NELL1: variants seen among roughly 807,000 people sequenced by gnomAD.
NELL1 encodes protein kinase C-binding protein NELL1.
Under a neutral mutation model 107.4 loss-of-function variants are expected in NELL1, and 76 were observed. That is an observed-to-expected ratio of 0.71 (90% CI 0.59 to 0.86). NELL1 has a LOEUF of 0.86. NELL1 is among the 40% of genes least tolerant of loss of function. The pLI, the probability that NELL1 is intolerant of heterozygous loss-of-function variation, is 0.00. For missense variants in NELL1, 1,024 were observed against 1,005.5 expected, an observed-to-expected ratio of 1.02 and a Z score of -0.25; for synonymous variants, 353 against 341.2, an observed-to-expected ratio of 1.03 and a Z score of -0.38.
chr11:20,974,684 A>G (rs1026777443), intron 12 of NELL1, among the ~76,000 whole-genome samples: 1 of 152,174 alleles, frequency 6.6e-6, no homozygotes, highest in East Asian at 1.9e-4. Context: ...AGGATTGTCA[A>G]AAATCTTTAG....
Position 21,575,334 on chromosome 11 carries a change from G to C in NELL1, c.*312G>C. 1 of 253,052 alleles carries C rather than the reference G, an allele frequency of 4.0e-6. No individual in the cohort carries two copies. The highest frequency in any genetic ancestry group is 9.0e-5 in the South Asian group (1 of 11,142). 15.7% of individuals were successfully genotyped at this position (253,052 alleles called of 1,614,324 possible). A position where few individuals can be genotyped will look rare whatever the true frequency, so the allele number is the denominator to read the frequency against. On this transcript the variant is annotated 3_prime_UTR_variant, in exon 20 of 20. Transcript: ENST00000357134. Reference sequence around the variant, plus strand: ...TGCAAATACATTTAAATGATCTCATGGTAAATGTTGATGTATTTTTTGGTT... The same window carrying C: ...TGCAAATACATTTAAATGATCTCATCGTAAATGTTGATGTATTTTTTGGTT...
intron 13 of NELL1, among the ~76,000 whole-genome samples, chr11:21,173,010 T>C (rs1280660415): frequency 6.6e-6 from 1 of 151,778 alleles, no homozygotes; most frequent in Non-Finnish European, 1.5e-5. Context: ...ACAATAGGAA[T>C]AAAAGAGTTT....
At chr11:21,374,822 T>C (rs940287207) in intron 15 of NELL1, among the ~76,000 whole-genome samples, 2 of 151,962 alleles carry the variant, frequency 1.3e-5, no homozygotes, top group African/African-American at 4.8e-5. Flanking sequence ...TGTTTACTTA[T>C]CTGACGTTGA....
chr11:20,788,349 T>C (rs925272438), intron 3 of NELL1, among the ~76,000 whole-genome samples: 7 of 152,244 alleles, frequency 4.6e-5, no homozygotes, highest in Non-Finnish European at 2.9e-5. Flanking sequence ...TTTTTCCACA[T>C]CCTTGTCAAC....
At chr11:21,217,423 T>C in intron 13 of NELL1, among the ~76,000 whole-genome samples, 1 of 151,778 alleles carries the variant, frequency 6.6e-6, no homozygotes, top group East Asian at 1.9e-4. Context: ...TACATAGGAG[T>C]CTTCTTTCTT....
At chr11:20,684,925 A>T (rs1854272586) in intron 2 of NELL1, among the ~76,000 whole-genome samples, 1 of 152,070 alleles carries the variant, frequency 6.6e-6, no homozygotes, top group African/African-American at 2.4e-5. Context: ...GCCCTCGTGT[A>T]TGCTGGATAC....
intron 12 of NELL1, among the ~76,000 whole-genome samples, chr11:21,003,763 C>T (rs139832490): frequency 6.6e-6 from 1 of 152,004 alleles, no homozygotes; most frequent in African/African-American, 2.4e-5. Context: ...AGCACTAATG[C>T]TAGATTACCT....
chr11:20,722,691 G>T (rs1018338), intron 2 of NELL1, among the ~76,000 whole-genome samples: 107,730 of 152,008 alleles, frequency 0.71, 41,308 homozygotes, highest in East Asian at 0.95. Flanking sequence ...AGTGCAAGCC[G>T]AAGAAGCCAG....
At chr11:21,194,449 C>T (rs183516675) in intron 13 of NELL1, among the ~76,000 whole-genome samples, 1 of 133,412 alleles carries the variant, frequency 7.5e-6, no homozygotes, top group Non-Finnish European at 1.7e-5. Context: ...ATGTCTGGAC[C>T]CCCCCATAGA....
At chr11:20,847,538 T>A in intron 3 of NELL1, 45 bp from the exon 4 acceptor site, 2 of 1,577,226 alleles carry the variant, frequency 1.3e-6, no homozygotes, top group Non-Finnish European at 1.7e-6. Context: ...ATGGCTGTGA[T>A]ATCCAGAACT....
chr11:20,733,889 C>T (rs376056280), intron 2 of NELL1, among the ~76,000 whole-genome samples: 19 of 152,168 alleles, frequency 1.2e-4, no homozygotes, highest in East Asian at 1.2e-3. Context: ...TGCATTCTAG[C>T]GTAGACAGTC....
At chr11:20,914,907 AC>A (rs1167604280) in intron 5 of NELL1, among the ~76,000 whole-genome samples, 2 of 152,160 alleles carry the variant, frequency 1.3e-5, no homozygotes, top group East Asian at 3.9e-4. Context: ...TGTTCTTTCA[AC>A]CTCTTCCAAA....
At chr11:21,509,815 C>T (rs142311498) in intron 15 of NELL1, among the ~76,000 whole-genome samples, 2 of 152,252 alleles carry the variant, frequency 1.3e-5, no homozygotes, top group East Asian at 1.9e-4. Context: ...GTATCCTTTA[C>T]ACTTTTTTGG....
At chr11:21,036,290 T>C (rs923060849) in intron 12 of NELL1, among the ~76,000 whole-genome samples, 36 of 152,136 alleles carry the variant, frequency 2.4e-4, no homozygotes, top group Admixed American at 2.0e-3. Context: ...ATTAATATCA[T>C]TAAAATGGTC....
Position 21,097,851 on chromosome 11 carries a change from A to C in NELL1, c.1301-15738A>C, listed in dbSNP as rs147385012. Among the ~76,000 whole-genome samples, 686 of 152,288 alleles carry C rather than the reference A, an allele frequency of 4.5e-3. 4 individuals carry two copies. The highest frequency in any genetic ancestry group is 0.016 in the African/African-American group (654 of 41,562). ...TAAATAATTGTATATTAGTTTATGC[A>C]TTCATTCAGAGGCATAGAACAGTGA... On this transcript the variant is annotated intron_variant, in intron 12 of 19. Transcript: ENST00000357134.
chr11:21,239,408 A>T (rs184498883), intron 14 of NELL1, among the ~76,000 whole-genome samples: 105 of 152,174 alleles, frequency 6.9e-4, no homozygotes, highest in African/African-American at 2.4e-3. Flanking sequence ...ATGATCCAAG[A>T]TACTGCCATA....
intron 12 of NELL1, among the ~76,000 whole-genome samples, chr11:21,073,233 C>A (rs1406516032): frequency 2.6e-5 from 4 of 152,064 alleles, no homozygotes; most frequent in African/African-American, 9.7e-5. Context: ...CATCATGGGT[C>A]ATCTTTGAGT....
intron 3 of NELL1, among the ~76,000 whole-genome samples, chr11:20,824,185 C>G (rs1010165073): frequency 2.0e-5 from 3 of 151,232 alleles, no homozygotes; most frequent in African/African-American, 7.3e-5. Context: ...CTCTGTGCTT[C>G]TTATTCCTGC....
chr11:21,111,292 A>G (rs1370572548), intron 12 of NELL1, among the ~76,000 whole-genome samples: 2 of 152,118 alleles, frequency 1.3e-5, no homozygotes, highest in Non-Finnish European at 2.9e-5. Flanking sequence ...GTAGAAGCCT[A>G]ATTAATGTTC....
Sources: gnomAD v4.1 joint callset for allele counts (sites outside exome capture counted in the v4.1 genomes callset) on GRCh38, gnomAD v4.1.1 for gene constraint, MANE v1.5 for transcripts, NCBI Gene and HGNC (gene_info 2026-07-23, HGNC 2026-07-21) for gene names.